The following ADCY1 variants were observed in gnomAD, a reference collection of about 807,000 sequenced individuals.
ADCY1 encodes the protein adenylate cyclase 1, also known as adenylate cyclase type 1.
A neutral mutation model predicts 105.4 loss-of-function variants in ADCY1; 28 were observed. The observed-to-expected ratio is 0.27, with a 90% CI of 0.20 to 0.36. ADCY1 has a LOEUF of 0.36. Among genes scored for constraint, ADCY1 ranks in the 10% least tolerant of loss-of-function variants. ADCY1 has a pLI of 1.00. For missense variants in ADCY1, 977 were observed against 1,434.2 expected (o/e 0.68, Z 5.15); for synonymous variants, 655 against 623.8 (o/e 1.05, Z -0.75).
rs553262185 is a variant in ADCY1 at position 45,608,592 on chromosome 7, G to A, written c.790-1787G>A. ...GTGAGCTCCAGTCTCCCATGCTGGG[G>A]GCCGTGTGCGGGAAGTCAGGATGTG... is the stretch of plus-strand genomic sequence containing the variant. On this transcript the variant is annotated intron_variant, in intron 2 of 19. Transcript: ENST00000297323. Among the ~76,000 whole-genome samples, 4 of 152,348 alleles carry A rather than the reference G, an allele frequency of 2.6e-5. No homozygotes were observed. The South Asian group carries it at 8.3e-4, about 32-fold the overall frequency.
chr7:45,691,592 T>C (rs1055209303), intron 14 of ADCY1, among the ~76,000 whole-genome samples: 2 of 152,228 alleles, frequency 1.3e-5, no homozygotes, highest in African/African-American at 4.8e-5. Context: ...TAAACTCTTG[T>C]ATGCTTTTGT....
At chr7:45,658,961 CA>C (rs1470630425) in intron 6 of ADCY1, among the ~76,000 whole-genome samples, 7 of 152,226 alleles carry the variant, frequency 4.6e-5, no homozygotes, top group Non-Finnish European at 1.0e-4. Context: ...CCCGGGGATC[CA>C]AGCACTCTGA....
rs186414495 is a variant in ADCY1 at position 45,691,853 on chromosome 7, C to T, written c.2454+5180C>T. On this transcript the variant is annotated intron_variant, in intron 14 of 19. Coordinates refer to ENST00000297323, the MANE Select transcript of ADCY1 (RefSeq NM_021116.4). ...AGCTAAGTTAGAGACCTGGTTCCAC[C>T]TCTTACTCTGGTCACTTGTCTTCTC... is the stretch of plus-strand genomic sequence containing the variant. 1.4e-3 allele frequency among the ~76,000 whole-genome samples: 208 copies of T among 152,302 alleles called. 3 individuals are homozygous for T. The highest frequency in any genetic ancestry group is 4.9e-3 in the African/African-American group (203 of 41,572).
intron 10 of ADCY1, among the ~76,000 whole-genome samples, chr7:45,679,115 C>A (rs929040815): frequency 6.6e-6 from 1 of 151,942 alleles, no homozygotes; most frequent in Non-Finnish European, 1.5e-5. Context: ...CTGCACTTGC[C>A]ACTTTACTTT....
At chr7:45,658,739 C>T (rs1163445409) in intron 6 of ADCY1, among the ~76,000 whole-genome samples, 1 of 152,256 alleles carries the variant, frequency 6.6e-6, no homozygotes, top group East Asian at 1.9e-4. Context: ...TTTCTGGAGA[C>T]TGTGGTGACT....
chr7:45,697,386 C>CTTTTT (rs34522967), intron 14 of ADCY1, among the ~76,000 whole-genome samples: 2 of 108,262 alleles, frequency 1.8e-5, no homozygotes, highest in African/African-American at 3.5e-5. Context: ...CTCTCTTTAC[C>CTTTTT]TTTTTTTTTT....
chr7:45,579,771 C>G (rs1363522356), intron 1 of ADCY1, among the ~76,000 whole-genome samples: 1 of 152,210 alleles, frequency 6.6e-6, no homozygotes, highest in East Asian at 1.9e-4. Flanking sequence ...GACACTCTTC[C>G]TGAGGTCAGT....
At chr7:45,578,470 C>T (rs955597914) in intron 1 of ADCY1, among the ~76,000 whole-genome samples, 2 of 152,178 alleles carry the variant, frequency 1.3e-5, no homozygotes, top group Non-Finnish European at 2.9e-5. Flanking sequence ...TCCTTGGCTG[C>T]TCACAGTCAG....
chr7:45,660,258 C>T, intron 7 of ADCY1, 75 bp downstream of exon 7: 2 of 1,558,926 alleles, frequency 1.3e-6, no homozygotes, highest in Admixed American at 1.8e-5. Flanking sequence ...GATGTGACTC[C>T]TCCTGCTTCC....
chr7:45,613,965 A>C (rs879722118), intron 3 of ADCY1, among the ~76,000 whole-genome samples: 2 of 152,216 alleles, frequency 1.3e-5, no homozygotes, highest in Non-Finnish European at 2.9e-5. Flanking sequence ...CAGACAATTA[A>C]AAGCTGAGGA....
At chr7:45,609,227 G>C (rs146009549) in intron 2 of ADCY1, among the ~76,000 whole-genome samples, 1 of 152,208 alleles carries the variant, frequency 6.6e-6, no homozygotes, top group Admixed American at 6.5e-5. Flanking sequence ...GGGCACCTGT[G>C]CTCCTTCCGA....
Position 45,622,686 on chromosome 7 carries a change from C to T in ADCY1, c.963C>T (p.Ala321=), listed in dbSNP as rs997417750. Residue 321 remains alanine, a synonymous_variant, in exon 4 of 20, where the codon GCC becomes GCT. Coordinates refer to ENST00000297323, the MANE Select transcript of ADCY1 (RefSeq NM_021116.4). ...GFTGLASQCT[A]QELVKLLNEL... ...CGGGCTTGGCATCCCAGTGCACAGC[C>T]CAGGAGCTGGTGAAACTCCTCAATG... 1 of 1,613,910 alleles carries T rather than the reference C, an allele frequency of 6.2e-7. No individual in the cohort carries two copies. The highest frequency in any genetic ancestry group is 2.2e-5 in the East Asian group (1 of 44,880).
At chr7:45,596,255 G>A (rs1291660581) in intron 2 of ADCY1, among the ~76,000 whole-genome samples, 3 of 152,192 alleles carry the variant, frequency 2.0e-5, no homozygotes, top group Non-Finnish European at 2.9e-5. Flanking sequence ...TTTCCATTCA[G>A]CACCTGTTCC....
In ADCY1 at chr7:45,713,710, C is replaced by A; in HGVS notation, c.3075C>A (p.His1025Gln). The A allele has an allele frequency of 1.3e-6, 1 of 780,356 alleles. No homozygotes were observed. Among genetic ancestry groups the A allele is most frequent in the Non-Finnish European group, 2.4e-6 (1 of 417,986 alleles). 48.3% of individuals were successfully genotyped at this position (780,356 alleles called of 1,614,324 possible). A position where few individuals can be genotyped will look rare whatever the true frequency, so the allele number is the denominator to read the frequency against. ...QGRIQVTEEV[H>Q]RLLRRCPYHF... ...ATCAACAGGTGACTGAGGAAGTCCA[C>A]CGGCTGCTGAGAAGGTGCCCCTACC... is the stretch of plus-strand genomic sequence containing the variant. Residue 1025 changes from histidine to glutamine, a missense_variant, in exon 20 of 20, where the codon CAC becomes CAA. By Grantham distance (24) the His-to-Gln change is conservative. Around this residue, in one of 7 missense-constraint regions of ADCY1, gnomAD observed 78 missense variants for 60.0 expected, o/e 1.30. Transcript: ENST00000297323.
intron 5 of ADCY1, 90 bp downstream of exon 5, chr7:45,648,887 T>C: frequency 6.6e-7 from 1 of 1,516,820 alleles, no homozygotes; most frequent in Non-Finnish European, 9.0e-7. Flanking sequence ...CCATGTGGGC[T>C]CCCCTCTCAG....
intron 14 of ADCY1, among the ~76,000 whole-genome samples, chr7:45,699,351 G>T (rs1178674731): frequency 6.6e-6 from 1 of 152,168 alleles, no homozygotes; most frequent in African/African-American, 2.4e-5. Context: ...GCGGCTTGAG[G>T]GTTTGAGGTT....
intron 4 of ADCY1, among the ~76,000 whole-genome samples, chr7:45,623,345 C>G (rs530696196): frequency 6.6e-6 from 1 of 152,228 alleles, no homozygotes; most frequent in Non-Finnish European, 1.5e-5. Flanking sequence ...TGGCTTGTAA[C>G]GTGCATGTTA....
chr7:45,598,805 A>G (rs1480985487), intron 2 of ADCY1, among the ~76,000 whole-genome samples: 3 of 152,236 alleles, frequency 2.0e-5, no homozygotes, highest in African/African-American at 7.2e-5. Flanking sequence ...CACAGCATAG[A>G]AAGCTCGCTC....
chr7:45,597,281 C>G (rs1793103257), intron 2 of ADCY1, among the ~76,000 whole-genome samples: 1 of 152,238 alleles, frequency 6.6e-6, no homozygotes, highest in South Asian at 2.1e-4. Flanking sequence ...AGCCTCCTGG[C>G]AGTGCCAGGG....
Sources: allele counts gnomAD v4.1 joint callset (sites outside exome capture counted in the v4.1 genomes callset), GRCh38; gene constraint gnomAD v4.1.1; regional missense constraint gnomAD v4.1.1; transcripts MANE v1.5; gene names NCBI Gene and HGNC (gene_info 2026-07-23, HGNC 2026-07-21).